SPHKAP: variants seen among roughly 807,000 people sequenced by gnomAD.
SPHKAP encodes SPHK1 interactor, AKAP domain containing.
Under a neutral mutation model 137.5 loss-of-function variants are expected in SPHKAP, and 67 were observed. The ratio of observed to expected loss-of-function variants is 0.49; its 90% CI spans 0.40 to 0.60. SPHKAP has a LOEUF of 0.60. Ranked by LOEUF, SPHKAP falls within the 20% of genes least tolerant of loss-of-function variation. The pLI is 0.00. For missense variants in SPHKAP, 2,097 were observed against 2,069.3 expected, an observed-to-expected ratio of 1.01 and a Z score of -0.26; for synonymous variants, 813 against 785.3, an observed-to-expected ratio of 1.04 and a Z score of -0.59.
At chr2:228,025,817 G>T in intron 4 of SPHKAP, 1 of 945,102 alleles carries the variant, frequency 1.1e-6, no homozygotes, top group Non-Finnish European at 1.3e-6. Flanking sequence ...CATACCACAG[G>T]TATAAACAGT....
chr2:228,009,150 G>T (rs1694262090), intron 7 of SPHKAP, among the ~76,000 whole-genome samples: 2 of 152,096 alleles, frequency 1.3e-5, no homozygotes, highest in South Asian at 4.1e-4. Context: ...AAGTATACTA[G>T]GCTGACAGTT....
intron 3 of SPHKAP, among the ~76,000 whole-genome samples, chr2:228,087,743 A>G (rs183775256): frequency 5.7e-4 from 87 of 152,296 alleles, no homozygotes; most frequent in African/African-American, 1.9e-3. Context: ...TGACAGGGAT[A>G]TGCAACCTGT....
At chr2:228,032,226 A>T (rs987032795) in intron 3 of SPHKAP, among the ~76,000 whole-genome samples, 1 of 152,226 alleles carries the variant, frequency 6.6e-6, no homozygotes, top group Non-Finnish European at 1.5e-5. Flanking sequence ...CGAGAACTAC[A>T]TGAAGGATAC....
At chr2:228,100,106 T>C (rs909182662) in intron 3 of SPHKAP, among the ~76,000 whole-genome samples, 5 of 152,126 alleles carry the variant, frequency 3.3e-5, no homozygotes, top group Non-Finnish European at 7.3e-5. Context: ...CGCCTCGGCC[T>C]CCCAAAGTGC....
intron 7 of SPHKAP, among the ~76,000 whole-genome samples, chr2:227,997,104 T>A (rs1290868291): frequency 6.6e-6 from 1 of 152,202 alleles, no homozygotes; most frequent in African/African-American, 2.4e-5. Context: ...GGTGCCAGAT[T>A]AAAGTACCTA....
chr2:228,016,392 G>A lies in SPHKAP; in HGVS notation c.4448+14C>T, dbSNP rs980457043. On this transcript the variant is annotated intron_variant, in intron 7 of 11. Transcript: ENST00000392056. ...GTCACATGCACCCTATGTAGTCTGA[G>A]ACGATTCACTCACCTATGGATTTGA... The A allele has an allele frequency of 2.6e-6, 4 of 1,563,928 alleles. No individual in the cohort carries two copies. The highest frequency in any genetic ancestry group is 3.4e-6 in the Non-Finnish European group (4 of 1,160,204).
chr2:228,134,033 AAAGG>A (rs1481456697), intron 1 of SPHKAP, among the ~76,000 whole-genome samples: 1 of 152,090 alleles, frequency 6.6e-6, no homozygotes, highest in African/African-American at 2.4e-5. Context: ...AAGATAAAAG[AAAGG>A]AAGGAAGGAA....
chr2:228,145,242 C>A (rs1699741120), intron 1 of SPHKAP, among the ~76,000 whole-genome samples: 1 of 152,174 alleles, frequency 6.6e-6, no homozygotes, highest in South Asian at 2.1e-4. Context: ...CTTCTAATCT[C>A]CTAATGTGTA....
At chr2:228,053,920 G>C (rs1450561209) in intron 3 of SPHKAP, among the ~76,000 whole-genome samples, 1 of 152,130 alleles carries the variant, frequency 6.6e-6, no homozygotes, top group African/African-American at 2.4e-5. Flanking sequence ...TTTCAGGAGG[G>C]AACAGAGATA....
chr2:228,086,410 C>A (rs1574836367), intron 3 of SPHKAP, among the ~76,000 whole-genome samples: 1 of 152,140 alleles, frequency 6.6e-6, no homozygotes, highest in African/African-American at 2.4e-5. Flanking sequence ...CAGCTCCCAA[C>A]CAAGAATTAC....
intron 3 of SPHKAP, among the ~76,000 whole-genome samples, chr2:228,105,962 G>T (rs1168426198): frequency 6.6e-6 from 1 of 152,088 alleles, no homozygotes; most frequent in African/African-American, 2.4e-5. Flanking sequence ...TCTTCAGGGG[G>T]CTTCTGAGCC....
At chr2:227,993,967 T>C (rs758727531) in intron 8 of SPHKAP, 97 of 794,580 alleles carry the variant, frequency 1.2e-4, no homozygotes, top group Non-Finnish European at 1.4e-4. Flanking sequence ...AAGGTATTTA[T>C]CTATCGGCAA....
chr2:227,980,500 T>C lies in SPHKAP; in HGVS notation c.*1217A>G, dbSNP rs1459466405. The C allele has an allele frequency of 6.6e-6, 1 of 152,172 alleles. No homozygotes were observed. The highest frequency in any genetic ancestry group is 1.5e-5 in the Non-Finnish European group (1 of 68,026). The allele number at this position is 152,172 out of a possible 1,614,324, so 9.4% of individuals were successfully genotyped here. On this transcript the variant is annotated 3_prime_UTR_variant, in exon 12 of 12. Transcript: ENST00000392056. The stretch of plus-strand genomic sequence containing the variant: ...AAAATAAAAGTCCGTGTAGGTCATT[T>C]AGTTGGAAGGAAAGAAGACTTATTA...
chr2:228,060,797 G>C (rs1466449510), intron 3 of SPHKAP, among the ~76,000 whole-genome samples: 1 of 152,174 alleles, frequency 6.6e-6, no homozygotes, highest in Non-Finnish European at 1.5e-5. Flanking sequence ...CTTGGAAGAG[G>C]CATTCCCCAG....
intron 3 of SPHKAP, among the ~76,000 whole-genome samples, chr2:228,061,203 C>A (rs915967114): frequency 6.6e-6 from 1 of 152,040 alleles, no homozygotes; most frequent in African/African-American, 2.4e-5. Context: ...ATGGCAGGAT[C>A]GGGGATAAGA....
chr2:228,027,193 G>A (rs1443178085), intron 4 of SPHKAP, among the ~76,000 whole-genome samples: 1 of 152,154 alleles, frequency 6.6e-6, no homozygotes, highest in Non-Finnish European at 1.5e-5. Flanking sequence ...GGTATCAGCA[G>A]GTTTTGGAAA....
chr2:228,001,542 TATAC>T (rs900785279), intron 7 of SPHKAP, among the ~76,000 whole-genome samples: 3 of 145,290 alleles, frequency 2.1e-5, no homozygotes, highest in African/African-American at 7.5e-5. Flanking sequence ...TATATAAAAA[TATAC>T]ATATATATAA....
intron 3 of SPHKAP, among the ~76,000 whole-genome samples, chr2:228,047,039 C>T (rs1202406322): frequency 2.0e-5 from 3 of 152,088 alleles, no homozygotes; most frequent in African/African-American, 4.8e-5. Flanking sequence ...AGTATCAGTA[C>T]CTGAATGAGA....
Position 228,016,408 on chromosome 2 carries a change from A to G in SPHKAP, c.4446T>C (p.His1482=), listed in dbSNP as rs896593598. 1.9e-6 allele frequency: 3 copies of G among 1,585,368 alleles called. No homozygotes were observed. The highest frequency in any genetic ancestry group is 2.7e-5 in the African/African-American group (2 of 73,526). The change falls in exon 7 of 12, where the codon CAT becomes CAC. Residue 1482 remains histidine, a splice_region_variant and synonymous_variant. Transcript: ENST00000392056. ...GDTAVSACQI[H]SDSLDTRDVP... The stretch of plus-strand genomic sequence containing the variant: ...GTAGTCTGAGACGATTCACTCACCT[A>G]TGGATTTGACAAGCGCTCACGGCTG...
Sources: gnomAD v4.1 joint callset for allele counts (sites outside exome capture counted in the v4.1 genomes callset) on GRCh38, gnomAD v4.1.1 for gene constraint, MANE v1.5 for transcripts, NCBI Gene and HGNC (gene_info 2026-07-23, HGNC 2026-07-21) for gene names.